The following GRIA3 variants were observed in gnomAD, a reference collection of about 807,000 sequenced individuals.
GRIA3 encodes glutamate ionotropic receptor AMPA type subunit 3, also known as glutamate receptor 3.
Under a neutral mutation model 63.0 loss-of-function variants are expected in GRIA3, and 3 were observed. The observed-to-expected ratio is 0.05, with a 90% CI of 0.02 to 0.12. The LOEUF (loss-of-function observed/expected upper bound fraction) is 0.12. Among genes scored for constraint, GRIA3 ranks in the 10% least tolerant of loss-of-function variants. The pLI is 1.00. For missense variants in GRIA3, 347 were observed against 700.9 expected (o/e 0.50, Z 5.70); for synonymous variants, 274 against 257.9 (o/e 1.06, Z -0.60).
At position 123,335,432 on chromosome X, in the gene GRIA3, G is replaced by T. The variant is rs935871939; in HGVS notation, c.696+9219G>T. 9.9e-5 allele frequency among the ~76,000 whole-genome samples: 11 copies of T among 111,550 alleles called. No homozygotes were observed. The Admixed American group carries it at 1.0e-3, about 11-fold the overall frequency. On this transcript the variant is annotated intron_variant, in intron 4 of 15. Coordinates refer to ENST00000620443, the MANE Select transcript of GRIA3 (RefSeq NM_007325.5). Reference sequence around the variant, plus strand: ...TCTGGTAATTGGATTCTGATTAACTGAGATTTGTTTGTTTATCATAAGCCT... The same window carrying T: ...TCTGGTAATTGGATTCTGATTAACTTAGATTTGTTTGTTTATCATAAGCCT...
intron 11 of GRIA3, among the ~76,000 whole-genome samples, chrX:123,423,294 C>T (rs964033890): frequency 3.6e-5 from 4 of 111,654 alleles, no homozygotes; most frequent in Admixed American, 2.9e-4. Flanking sequence ...TTAGTTGACA[C>T]GTAGATCCTC....
chrX:123,339,609 A>G (rs1199901334), intron 4 of GRIA3, among the ~76,000 whole-genome samples: 1 of 112,134 alleles, frequency 8.9e-6, no homozygotes, highest in East Asian at 2.8e-4. Flanking sequence ...GACTCAGATC[A>G]GGAAGGCCTT....
chrX:123,235,393 C>A (rs1019484387), intron 2 of GRIA3, among the ~76,000 whole-genome samples: 1 of 111,703 alleles, frequency 9.0e-6, no homozygotes, highest in Non-Finnish European at 1.9e-5. Flanking sequence ...AAAATATATT[C>A]CCTGTAATCC....
At chrX:123,391,368 G>A (rs768303636) in intron 5 of GRIA3, among the ~76,000 whole-genome samples, 2 of 111,114 alleles carry the variant, frequency 1.8e-5, no homozygotes, top group South Asian at 3.9e-4. Flanking sequence ...TTTGATTCTC[G>A]GTATGTGCAA....
At chrX:123,471,203 A>C (rs1229540275) in intron 13 of GRIA3, among the ~76,000 whole-genome samples, 1 of 111,500 alleles carries the variant, frequency 9.0e-6, no homozygotes, top group Non-Finnish European at 1.9e-5. Context: ...ACTTTCTCTC[A>C]AGTGACTGCT....
intron 2 of GRIA3, among the ~76,000 whole-genome samples, chrX:123,207,810 C>T (rs914595392): frequency 2.8e-4 from 31 of 111,300 alleles, no homozygotes; most frequent in African/African-American, 9.2e-4. Flanking sequence ...CATCTCAGGG[C>T]CACCTCACAG....
At chrX:123,349,782 A>G (rs2045081052) in intron 4 of GRIA3, among the ~76,000 whole-genome samples, 1 of 112,537 alleles carries the variant, frequency 8.9e-6, no homozygotes, top group Admixed American at 9.4e-5. Flanking sequence ...GCAGATTAAG[A>G]TTATTAGAAA....
intron 3 of GRIA3, among the ~76,000 whole-genome samples, chrX:123,314,305 A>G (rs1276655779): frequency 8.9e-6 from 1 of 112,092 alleles, no homozygotes; most frequent in Non-Finnish European, 1.9e-5. Context: ...TCAACAGTCC[A>G]TGGAGAAACT....
chrX:123,430,190 T>C (rs1386108249), intron 12 of GRIA3, among the ~76,000 whole-genome samples: 1 of 112,327 alleles, frequency 8.9e-6, no homozygotes, highest in Non-Finnish European at 1.9e-5. Context: ...TGGTTTGTGG[T>C]TTCTAATGCT....
chrX:123,471,379 A>C (rs943618145), intron 13 of GRIA3, among the ~76,000 whole-genome samples: 15 of 112,461 alleles, frequency 1.3e-4, no homozygotes, highest in Non-Finnish European at 2.4e-4. Context: ...TTTTTTAAAA[A>C]ATGAACTATG....
intron 3 of GRIA3, among the ~76,000 whole-genome samples, chrX:123,260,467 A>AGGAAGGAAG (rs200849390): frequency 1.8e-4 from 1 of 5,619 alleles, no homozygotes; most frequent in African/African-American, 4.6e-4. Flanking sequence ...AAAGGAAGGA[A>AGGAAGGAAG]GAAGAAAGGA....
intron 3 of GRIA3, among the ~76,000 whole-genome samples, chrX:123,321,425 G>A (rs1454017650): frequency 8.9e-6 from 1 of 112,118 alleles, no homozygotes; most frequent in African/African-American, 3.2e-5. Context: ...ATCTGGTGCA[G>A]ATTCACAGCT....
chrX:123,437,243 C>T (rs1014057445), intron 12 of GRIA3, among the ~76,000 whole-genome samples: 1 of 110,232 alleles, frequency 9.1e-6, no homozygotes, highest in Admixed American at 9.8e-5. Flanking sequence ...ATTGACAGAA[C>T]CCTTACCTTC....
rs1569440728 is a variant in GRIA3 at position 123,463,576 on chromosome X, A to AAGGAAGGAAGGAAGGAAGGAAGGAAGGG, written c.2077-1286_2077-1285insAAGGAAGGAAGGAAGGAAGGAAGGGAGG. 5.4e-3 allele frequency among the ~76,000 whole-genome samples: 74 copies of AAGGAAGGAAGGAAGGAAGGAAGGAAGGG among 13,754 alleles called. 21 individuals carry two copies. Among genetic ancestry groups the AAGGAAGGAAGGAAGGAAGGAAGGAAGGG allele is most frequent in the African/African-American group, 0.026 (72 of 2,785 alleles). 11.9% of individuals were successfully genotyped at this position (13,754 alleles called of 115,157 possible). ...GAAGGAAGGAAGGAAGGAAGGAAGG[A>AAGGAAGGAAGGAAGGAAGGAAGGAAGGG]AGGGAGGGAGGGAGGGAGGGAGGGA... On this transcript the variant is annotated intron_variant, in intron 12 of 15. Coordinates refer to ENST00000620443, the MANE Select transcript of GRIA3 (RefSeq NM_007325.5).
chrX:123,346,019 G>T (rs1262295480), intron 4 of GRIA3, among the ~76,000 whole-genome samples: 2 of 111,311 alleles, frequency 1.8e-5, no homozygotes, highest in Admixed American at 1.9e-4. Flanking sequence ...ATTCCTCACT[G>T]CAATTCTATG....
rs183818994 is a variant in GRIA3 at position 123,259,869 on chromosome X, C to T, written c.508+6327C>T. Among the ~76,000 whole-genome samples, 321 of 111,748 alleles carry T rather than the reference C, an allele frequency of 2.9e-3. 1 individual carries two copies. Among genetic ancestry groups the T allele is most frequent in the Admixed American group, 0.02 (215 of 10,584 alleles). On this transcript the variant is annotated intron_variant, in intron 3 of 15. Coordinates refer to ENST00000620443, the MANE Select transcript of GRIA3 (RefSeq NM_007325.5). ...AGTTGAACACAACTATTACCTCTTC[C>T]TTTAGTCTTCCCTTCAGCCATTCTT...
Position 123,192,698 on chromosome X carries a change from C to T in GRIA3, c.268+6708C>T, listed in dbSNP as rs1272028259. Among the ~76,000 whole-genome samples, 15 of 111,619 alleles carry T rather than the reference C, an allele frequency of 1.3e-4. No homozygotes were observed. In the Admixed American group the frequency reaches 1.4e-3, roughly 11 times the overall value. On this transcript the variant is annotated intron_variant, in intron 2 of 15. Transcript: ENST00000620443. ...ATCCTCAACACAACCATCATTTGTC[C>T]TTATTTGGAGGGTGCAGGGGAGCAA...
chrX:123,434,911 G>A (rs1264963200), intron 12 of GRIA3, among the ~76,000 whole-genome samples: 4 of 112,440 alleles, frequency 3.6e-5, no homozygotes, highest in Non-Finnish European at 7.5e-5. Flanking sequence ...TAGCAATAAA[G>A]ACAAGCTAAT....
chrX:123,253,907 C>T (rs1170207388), intron 3 of GRIA3, among the ~76,000 whole-genome samples: 2 of 111,242 alleles, frequency 1.8e-5, no homozygotes, highest in Non-Finnish European at 3.8e-5. Flanking sequence ...GAAAATTAAT[C>T]CTGTCAGAAA....
Sources: gnomAD v4.1 joint callset for allele counts (sites outside exome capture counted in the v4.1 genomes callset) on GRCh38, gnomAD v4.1.1 for gene constraint, MANE v1.5 for transcripts, NCBI Gene and HGNC (gene_info 2026-07-23, HGNC 2026-07-21) for gene names.